Variants in ANK3 observed in about 807,000 individuals in gnomAD.
ANK3 encodes the protein ankyrin 3.
A neutral mutation model predicts 370.9 loss-of-function variants in ANK3; 57 were observed. The observed-to-expected ratio is 0.15, with a 90% CI of 0.12 to 0.19. The LOEUF (loss-of-function observed/expected upper bound fraction) is 0.19, where lower values mean the gene tolerates loss of function less well. ANK3 is among the 10% of genes least tolerant of loss of function. ANK3 has a pLI of 1.00. For missense variants in ANK3, 4,439 were observed against 5,302.1 expected, an observed-to-expected ratio of 0.84 and a Z score of 5.06; for synonymous variants, 1,929 against 1,946.3, an observed-to-expected ratio of 0.99 and a Z score of 0.23.
intron 7 of ANK3, among the ~76,000 whole-genome samples, chr10:60,247,391 A>T (rs2097572690): frequency 6.6e-6 from 1 of 152,114 alleles, no homozygotes; most frequent in Non-Finnish European, 1.5e-5. Flanking sequence ...CGTAACATAA[A>T]ACTTCCATTG....
intron 1 of ANK3, among the ~76,000 whole-genome samples, chr10:60,654,924 G>C (rs10740039): frequency 0.62 from 94,757 of 151,916 alleles, 29,960 homozygotes; most frequent in South Asian, 0.75. Flanking sequence ...CATATATGAT[G>C]ATGATTCCGT....
intron 1 of ANK3, among the ~76,000 whole-genome samples, chr10:60,635,707 CAAA>C (rs3048271): frequency 3.4e-4 from 50 of 148,880 alleles, no homozygotes; most frequent in African/African-American, 7.9e-4. Context: ...CTGGATATTA[CAAA>C]AAAAAAAAAG....
At chr10:60,678,214 C>T (rs892010536) in intron 1 of ANK3, among the ~76,000 whole-genome samples, 1 of 152,158 alleles carries the variant, frequency 6.6e-6, no homozygotes, top group African/African-American at 2.4e-5. Flanking sequence ...ATTAAGGTTG[C>T]AGAATCCAAC....
chr10:60,589,598 G>A (rs1440093724), intron 2 of ANK3, among the ~76,000 whole-genome samples: 1 of 152,136 alleles, frequency 6.6e-6, no homozygotes, highest in Non-Finnish European at 1.5e-5. Context: ...GCAACATACA[G>A]CATGAAAGAA....
intron 8 of ANK3, among the ~76,000 whole-genome samples, chr10:60,230,416 G>A (rs576493955): frequency 6.6e-6 from 1 of 152,302 alleles, no homozygotes; most frequent in African/African-American, 2.4e-5. Flanking sequence ...ATATAGACCA[G>A]ATTGACAAAT....
At chr10:60,507,944 A>T (rs533448630) in intron 2 of ANK3, 1 of 152,262 alleles carries the variant, frequency 6.6e-6, no homozygotes, top group East Asian at 1.9e-4. Flanking sequence ...TGAACATCAA[A>T]ATAGTAAATA....
At chr10:60,467,007 G>A (rs367616865) in intron 2 of ANK3, among the ~76,000 whole-genome samples, 3 of 152,168 alleles carry the variant, frequency 2.0e-5, no homozygotes, top group African/African-American at 7.2e-5. Flanking sequence ...TAGTGACGGT[G>A]ACACAACTCT....
At chr10:60,100,893 TG>T (rs1275453311) in intron 28 of ANK3, among the ~76,000 whole-genome samples, 1 of 152,328 alleles carries the variant, frequency 6.6e-6, no homozygotes, top group African/African-American at 2.4e-5. Flanking sequence ...AAACTGGGTA[TG>T]TAATTTTAAA....
intron 2 of ANK3, among the ~76,000 whole-genome samples, chr10:60,484,350 T>G (rs910795730): frequency 1.3e-5 from 2 of 152,198 alleles, no homozygotes; most frequent in Non-Finnish European, 2.9e-5. Context: ...AAATCTTGAC[T>G]CTTCCAATTG....
intron 28 of ANK3, among the ~76,000 whole-genome samples, chr10:60,094,210 G>T (rs1009255350): frequency 1.4e-5 from 2 of 141,882 alleles, no homozygotes; most frequent in East Asian, 2.0e-4. Context: ...TTTGGACAGG[G>T]TCTCACTCAC....
intron 1 of ANK3, among the ~76,000 whole-genome samples, chr10:60,294,808 G>A (rs1369383257): frequency 1.3e-5 from 2 of 152,042 alleles, no homozygotes; most frequent in Admixed American, 6.6e-5. Context: ...TTTGGAATTG[G>A]GAGGCTTAAA....
chr10:60,272,964 A>T (rs1421968441), intron 4 of ANK3, among the ~76,000 whole-genome samples: 2 of 152,132 alleles, frequency 1.3e-5, no homozygotes, highest in Non-Finnish European at 2.9e-5. Context: ...CACTGTTCTC[A>T]CAGTTTCCTT....
In ANK3 at chr10:60,678,709, G is replaced by C. The variant is rs1180918597; in HGVS notation, c.57+54554C>G. On this transcript the variant is annotated intron_variant, in intron 1 of 43. Transcript: ENST00000373827. ...TTATAGTACTCATTTATAGATTATT[G>C]AATATTAAGACAAAAATAAGCAGAT... Among the ~76,000 whole-genome samples the C allele has an allele frequency of 2.6e-5, 4 of 152,092 alleles. No homozygotes were observed. In the South Asian group the frequency reaches 8.3e-4, roughly 31 times the overall value.
chr10:60,395,550 C>CTT (rs1567004087), intron 2 of ANK3, among the ~76,000 whole-genome samples: 10,224 of 108,648 alleles, frequency 0.094, 972 homozygotes, highest in South Asian at 0.13. Flanking sequence ...ACTACTATGC[C>CTT]TCTTTCTTTC....
Position 60,071,670 on chromosome 10 carries a change from T to G in ANK3, c.9211A>C (p.Ile3071Leu). The G allele has an allele frequency of 6.2e-7, 1 of 1,606,478 alleles. No individual in the cohort carries two copies. Among genetic ancestry groups the G allele is most frequent in the Non-Finnish European group, 8.5e-7 (1 of 1,177,250 alleles). ...PSSDVFDHSP[I>L]DGLEKLAPLA... is the part of the protein sequence containing the mutation. ...GGTGCGAGTTTTTCCAATCCATCAA[T>G]GGGACTGTGGTCGAATACATCACTA... Residue 3071 changes from isoleucine to leucine, a missense_variant, in exon 37 of 44, where the codon ATT (isoleucine) becomes CTT (leucine). This residue lies in a region of ANK3 where 1,601 missense variants were observed against 1,731.7 expected (regional missense o/e 0.92). Coordinates refer to ENST00000280772, the MANE Select transcript of ANK3 (RefSeq NM_020987.5).
intron 11 of ANK3, among the ~76,000 whole-genome samples, chr10:60,204,018 G>A (rs114099352): frequency 0.021 from 3,220 of 152,098 alleles, 118 homozygotes; most frequent in African/African-American, 0.074. Context: ...AAGCTAACCT[G>A]TTTTTTAAAA....
intron 2 of ANK3, among the ~76,000 whole-genome samples, chr10:60,561,023 T>C (rs564147785): frequency 6.6e-6 from 1 of 152,268 alleles, no homozygotes; most frequent in Admixed American, 6.5e-5. Context: ...AGGTAAATTA[T>C]CTAGTGGCAA....
intron 1 of ANK3, among the ~76,000 whole-genome samples, chr10:60,625,049 C>T (rs117536979): frequency 3.9e-5 from 6 of 152,082 alleles, no homozygotes; most frequent in African/African-American, 7.2e-5. Context: ...CAACAGAACA[C>T]GTACCCACCA....
intron 2 of ANK3, among the ~76,000 whole-genome samples, chr10:60,600,580 A>T (rs999407140): frequency 2.6e-5 from 4 of 152,160 alleles, no homozygotes; most frequent in African/African-American, 9.6e-5. Context: ...TGTGTCTCCC[A>T]CTAGAAATAT....
Sources: allele counts gnomAD v4.1 joint callset (sites outside exome capture counted in the v4.1 genomes callset), GRCh38; gene constraint gnomAD v4.1.1; regional missense constraint gnomAD v4.1.1; transcripts MANE v1.5; gene names NCBI Gene and HGNC (gene_info 2026-07-23, HGNC 2026-07-21).